GMDS: variants seen among roughly 807,000 people sequenced by gnomAD.
GMDS encodes the protein GDP-mannose 4,6-dehydratase.
GMDS carries 20 observed loss-of-function variants against 49.9 expected under a neutral mutation model. The ratio of observed to expected loss-of-function variants is 0.40; its 90% CI spans 0.28 to 0.58. The LOEUF (loss-of-function observed/expected upper bound fraction) is 0.58, where lower values mean the gene tolerates loss of function less well. GMDS is among the 20% of genes least tolerant of loss of function. GMDS has a pLI of 0.42. For synonymous variants in GMDS, 177 were observed against 178.6 expected (o/e 0.99, Z 0.07); for missense variants, 362 against 481.4 (o/e 0.75, Z 2.32).
chr6:1,943,236 C>A (rs1412291304), intron 6 of GMDS, among the ~76,000 whole-genome samples: 2 of 152,202 alleles, frequency 1.3e-5, no homozygotes, highest in Non-Finnish European at 2.9e-5. Flanking sequence ...GTATCCACAG[C>A]TAGTTCCCAA....
chr6:2,219,893 C>A (rs1484696062), intron 1 of GMDS, among the ~76,000 whole-genome samples: 1 of 152,180 alleles, frequency 6.6e-6, no homozygotes. Context: ...TTTTTAGTGT[C>A]AACATGGCAC....
chr6:1,791,541 A>G (rs768924495), intron 7 of GMDS, among the ~76,000 whole-genome samples: 35 of 152,280 alleles, frequency 2.3e-4, no homozygotes, highest in Admixed American at 7.8e-4. Flanking sequence ...CACATCTCCA[A>G]ATACGATCAC....
At chr6:1,659,772 TGAGA>T (rs1438260305) in intron 9 of GMDS, among the ~76,000 whole-genome samples, 1 of 152,118 alleles carries the variant, frequency 6.6e-6, no homozygotes, top group Admixed American at 6.5e-5. Flanking sequence ...CTGAATTACT[TGAGA>T]AAGACTTTGT....
intron 1 of GMDS, among the ~76,000 whole-genome samples, chr6:2,144,867 G>A (rs545122660): frequency 6.6e-6 from 1 of 152,324 alleles, no homozygotes; most frequent in South Asian, 2.1e-4. Flanking sequence ...GAAGGCCTCT[G>A]GAAGGTGAGA....
At chr6:1,641,606 G>C (rs1394504554) in intron 9 of GMDS, among the ~76,000 whole-genome samples, 1 of 152,182 alleles carries the variant, frequency 6.6e-6, no homozygotes, top group Non-Finnish European at 1.5e-5. Context: ...AGGTCCCGTG[G>C]AGAGGCCCTG....
At chr6:2,101,714 C>T (rs1294782143) in intron 4 of GMDS, among the ~76,000 whole-genome samples, 1 of 151,986 alleles carries the variant, frequency 6.6e-6, no homozygotes, top group Non-Finnish European at 1.5e-5. Context: ...CAAAATTGAA[C>T]TTTAGGGCAT....
At chr6:1,709,067 T>C (rs1174300386) in intron 9 of GMDS, among the ~76,000 whole-genome samples, 3 of 152,154 alleles carry the variant, frequency 2.0e-5, no homozygotes, top group Non-Finnish European at 4.4e-5. Context: ...GCTCCACAGG[T>C]AGGCATGACA....
At chr6:1,775,224 C>T (rs888017080) in intron 7 of GMDS, among the ~76,000 whole-genome samples, 3 of 152,136 alleles carry the variant, frequency 2.0e-5, no homozygotes, top group Admixed American at 2.0e-4. Context: ...TACTCATCTT[C>T]TTTACTCATA....
intron 4 of GMDS, among the ~76,000 whole-genome samples, chr6:2,011,727 C>A (rs1767571780): frequency 1.3e-5 from 2 of 152,070 alleles, no homozygotes; most frequent in Admixed American, 1.3e-4. Flanking sequence ...CCATCCTGGG[C>A]AACATAATGA....
At chr6:1,863,212 G>A (rs1004452416) in intron 7 of GMDS, among the ~76,000 whole-genome samples, 1 of 152,246 alleles carries the variant, frequency 6.6e-6, no homozygotes, top group East Asian at 1.9e-4. Context: ...TTAGCTCTTA[G>A]GAGGTGTTAA....
chr6:1,733,029 G>T (rs1390985899), intron 8 of GMDS, among the ~76,000 whole-genome samples: 1 of 152,170 alleles, frequency 6.6e-6, no homozygotes, highest in African/African-American at 2.4e-5. Flanking sequence ...CTGCCCCAGA[G>T]ATGGGTATTC....
chr6:2,151,479 T>C (rs889586380), intron 1 of GMDS, among the ~76,000 whole-genome samples: 1 of 152,122 alleles, frequency 6.6e-6, no homozygotes, highest in Non-Finnish European at 1.5e-5. Flanking sequence ...TTGCTAGCTA[T>C]GTAATCTGGT....
intron 4 of GMDS, among the ~76,000 whole-genome samples, chr6:2,064,520 A>G (rs150838166): frequency 6.6e-6 from 1 of 152,322 alleles, no homozygotes; most frequent in Non-Finnish European, 1.5e-5. Context: ...CATTGTGTCC[A>G]TGTGAAGGGA....
intron 7 of GMDS, among the ~76,000 whole-genome samples, chr6:1,751,662 T>G (rs1767739108): frequency 6.6e-6 from 1 of 152,096 alleles, no homozygotes; most frequent in Non-Finnish European, 1.5e-5. Flanking sequence ...CACAGCTAAT[T>G]TTTGTATTTT....
intron 1 of GMDS, among the ~76,000 whole-genome samples, chr6:2,131,398 C>A (rs1199300117): frequency 1.3e-5 from 2 of 152,120 alleles, no homozygotes; most frequent in African/African-American, 4.8e-5. Flanking sequence ...CACACAGATA[C>A]TCCAATAAAT....
chr6:1,821,371 G>A (rs1041506166), intron 7 of GMDS, among the ~76,000 whole-genome samples: 6 of 152,020 alleles, frequency 3.9e-5, no homozygotes, highest in Non-Finnish European at 8.8e-5. Context: ...CGCGGCTGGT[G>A]GGTGGGGACG....
chr6:1,920,272 C>T (rs1761650910), intron 7 of GMDS, among the ~76,000 whole-genome samples: 1 of 152,108 alleles, frequency 6.6e-6, no homozygotes, highest in Non-Finnish European at 1.5e-5. Flanking sequence ...ATTCAGGTGG[C>T]CCAAAAAAGG....
intron 9 of GMDS, among the ~76,000 whole-genome samples, chr6:1,651,008 C>G (rs966555613): frequency 6.6e-6 from 1 of 152,230 alleles, no homozygotes; most frequent in South Asian, 2.1e-4. Context: ...GCCATGTCCC[C>G]TGAGAAGGCA....
chr6:1,711,503 C>A (rs1044952189), intron 9 of GMDS, among the ~76,000 whole-genome samples: 3 of 152,194 alleles, frequency 2.0e-5, no homozygotes, highest in South Asian at 2.1e-4. Context: ...ACCCACCCAT[C>A]CACAACAGCT....
Sources: gnomAD v4.1 joint callset for allele counts (sites outside exome capture counted in the v4.1 genomes callset) on GRCh38, gnomAD v4.1.1 for gene constraint, MANE v1.5 for transcripts, NCBI Gene and HGNC (gene_info 2026-07-23, HGNC 2026-07-21) for gene names.